SGTB: variants seen among roughly 807,000 people sequenced by gnomAD.
The protein encoded by SGTB is small glutamine-rich tetratricopeptide repeat-containing protein beta.
In SGTB, 19 loss-of-function variants were observed where a neutral mutation model predicts 43.9. The observed-to-expected ratio is 0.43, with a 90% CI of 0.30 to 0.63. The LOEUF (loss-of-function observed/expected upper bound fraction) is 0.63, where lower values mean the gene tolerates loss of function less well. Among genes scored for constraint, SGTB ranks in the 30% least tolerant of loss-of-function variants. SGTB has a pLI of 0.12. For missense variants in SGTB, 304 were observed against 358.9 expected, an observed-to-expected ratio of 0.85 and a Z score of 1.24; for synonymous variants, 116 against 117.3, an observed-to-expected ratio of 0.99 and a Z score of 0.07.
chr5:65,704,148 AT>A (rs1195696952), intron 5 of SGTB, 130 bp downstream of exon 5: 157 of 566,982 alleles, frequency 2.8e-4, no homozygotes, highest in Non-Finnish European at 3.1e-4. Context: ...GGTTAAGTTT[AT>A]TTTTTCTTCC....
intron 2 of SGTB, among the ~76,000 whole-genome samples, chr5:65,715,417 T>G (rs1045281951): frequency 6.6e-6 from 1 of 152,248 alleles, no homozygotes; most frequent in African/African-American, 2.4e-5. Flanking sequence ...TCACATGCTA[T>G]GTACCTGCCA....
chr5:65,672,009 C>A lies in SGTB; in HGVS notation c.720-11G>T. 1 of 1,613,328 alleles carries A rather than the reference C, an allele frequency of 6.2e-7. No homozygotes were observed. Among genetic ancestry groups the A allele is most frequent in the Non-Finnish European group, 8.5e-7 (1 of 1,179,474 alleles). ...ATCATTCCTGACATTCTAGAGTACA[C>A]AAGAAATACATCACTGGGATTGGTA... On this transcript the variant is annotated splice_polypyrimidine_tract_variant and intron_variant, in intron 9 of 10. Transcript: ENST00000381007.
chr5:65,707,729 G>A (rs138669460), intron 4 of SGTB, among the ~76,000 whole-genome samples: 49 of 151,996 alleles, frequency 3.2e-4, no homozygotes, highest in Non-Finnish European at 5.6e-4. Context: ...CACCGTGCCC[G>A]GCCATGATAT....
intron 6 of SGTB, among the ~76,000 whole-genome samples, chr5:65,682,411 G>GA (rs1757414421): frequency 6.6e-6 from 1 of 152,206 alleles, no homozygotes; most frequent in South Asian, 2.1e-4. Context: ...CTACGTAGAG[G>GA]ATCTACATGG....
At chr5:65,683,405 C>A (rs1291956461) in intron 6 of SGTB, among the ~76,000 whole-genome samples, 1 of 152,058 alleles carries the variant, frequency 6.6e-6, no homozygotes, top group African/African-American at 2.4e-5. Flanking sequence ...ATTAATTTAG[C>A]AAGTAGGCAA....
chr5:65,695,565 T>C (rs557073338), intron 5 of SGTB, among the ~76,000 whole-genome samples: 1 of 152,346 alleles, frequency 6.6e-6, no homozygotes, highest in South Asian at 2.1e-4. Flanking sequence ...TATCAGGGCA[T>C]AACTAATGAA....
intron 8 of SGTB, among the ~76,000 whole-genome samples, chr5:65,679,613 G>C (rs1757354794): frequency 6.6e-6 from 1 of 152,006 alleles, no homozygotes; most frequent in African/African-American, 2.4e-5. Flanking sequence ...GTGAAACTCT[G>C]TCTCAAAAAA....
intron 3 of SGTB, among the ~76,000 whole-genome samples, chr5:65,709,706 A>G (rs914116461): frequency 1.3e-5 from 2 of 152,076 alleles, no homozygotes; most frequent in African/African-American, 4.8e-5. Flanking sequence ...TAAAATTAAT[A>G]TATGTTCATT....
At chr5:65,670,624 G>C (rs996937917) in intron 10 of SGTB, among the ~76,000 whole-genome samples, 2 of 152,168 alleles carry the variant, frequency 1.3e-5, no homozygotes, top group Non-Finnish European at 2.9e-5. Context: ...TAGTGCTAAT[G>C]ACAAAGAAGC....
intron 5 of SGTB, among the ~76,000 whole-genome samples, chr5:65,697,140 C>A (rs1757730207): frequency 6.6e-6 from 1 of 151,940 alleles, no homozygotes; most frequent in Admixed American, 6.6e-5. Flanking sequence ...ACTAGAGTCT[C>A]AAAAAAACCA....
chr5:65,688,199 A>G lies in SGTB; in HGVS notation c.375-2727T>C, dbSNP rs930873014. Among the ~76,000 whole-genome samples the G allele has an allele frequency of 3.3e-5, 5 of 152,222 alleles. No homozygotes were observed. The East Asian group carries it at 9.6e-4, about 29-fold the overall frequency. On this transcript the variant is annotated intron_variant, in intron 5 of 10. Transcript: ENST00000381007. ...TTAAAATAATTTTATTATATATAAT[A>G]AGCAGAGCCACTGGAAGAAAAAAAA... is the stretch of plus-strand genomic sequence containing the variant.
At chr5:65,721,792 C>G (rs1425560087) in intron 1 of SGTB, 125 bp downstream of exon 1, 1 of 152,468 alleles carries the variant, frequency 6.6e-6, no homozygotes, top group East Asian at 1.9e-4. Flanking sequence ...CGAGCTCCCC[C>G]TCCCTTCCGT....
intron 5 of SGTB, among the ~76,000 whole-genome samples, chr5:65,703,100 T>A (rs956063931): frequency 6.6e-6 from 1 of 152,108 alleles, no homozygotes; most frequent in Non-Finnish European, 1.5e-5. Context: ...ATCTAAAGCA[T>A]GAAAAATATT....
In SGTB at chr5:65,668,043, C is replaced by T. The variant is rs1757077704; in HGVS notation, c.*2203G>A. ...TCTTGGCTCACTGCAACCTCTGCCT[C>T]TCAGGTTCGAGCAATTCTCATGCTT... On this transcript the variant is annotated 3_prime_UTR_variant, in exon 11 of 11. Transcript: ENST00000381007. The T allele has an allele frequency of 6.6e-6, 1 of 150,540 alleles. No individual in the cohort carries two copies. Among genetic ancestry groups the T allele is most frequent in the Non-Finnish European group, 1.5e-5 (1 of 67,852 alleles). 9.3% of individuals were successfully genotyped at this position (150,540 alleles called of 1,614,324 possible). A position where few individuals can be genotyped will look rare whatever the true frequency, so the allele number is the denominator to read the frequency against.
chr5:65,722,747 A>C, upstream of SGTB: 1 of 343,240 alleles, frequency 2.9e-6, no homozygotes, highest in South Asian at 3.4e-5. Context: ...CCCAATGCAG[A>C]ACTACAGACC....
chr5:65,685,631 A>G (rs1757483193), intron 5 of SGTB, among the ~76,000 whole-genome samples, 159 bp from the exon 6 acceptor site: 2 of 149,758 alleles, frequency 1.3e-5, no homozygotes, highest in African/African-American at 2.5e-5. Flanking sequence ...TAATAAAATG[A>G]AAAAAAAAAG....
At chr5:65,720,456 A>G (rs1758244313) in intron 2 of SGTB, among the ~76,000 whole-genome samples, 1 of 152,168 alleles carries the variant, frequency 6.6e-6, no homozygotes, top group South Asian at 2.1e-4. Flanking sequence ...AATTGCCTAT[A>G]ATATGAACAG....
At chr5:65,674,919 T>C (rs1323116484) in intron 8 of SGTB, among the ~76,000 whole-genome samples, 1 of 152,220 alleles carries the variant, frequency 6.6e-6, no homozygotes, top group Non-Finnish European at 1.5e-5. Flanking sequence ...AACTACCAGT[T>C]GCTAAAAAGA....
chr5:65,669,131 TCTC>T lies in SGTB; in HGVS notation c.*1112_*1114del, dbSNP rs1468471054. The T allele has an allele frequency of 2.0e-5, 3 of 152,162 alleles. No homozygotes were observed. Among genetic ancestry groups the T allele is most frequent in the Non-Finnish European group, 4.4e-5 (3 of 68,032 alleles). The allele number at this position is 152,162 out of a possible 1,614,324, so 9.4% of individuals were successfully genotyped here. A position where few individuals can be genotyped will look rare whatever the true frequency, so the allele number is the denominator to read the frequency against. On this transcript the variant is annotated 3_prime_UTR_variant, in exon 11 of 11. Transcript: ENST00000381007. Reference sequence around the variant, plus strand: ...CTAATTTATAATAAAATATTTTAAGTCTCCTGTTATATTTAAATTGCATCAAAT... The same window carrying T: ...CTAATTTATAATAAAATATTTTAAGTCTGTTATATTTAAATTGCATCAAAT...
Sources: allele counts gnomAD v4.1 joint callset (sites outside exome capture counted in the v4.1 genomes callset), GRCh38; gene constraint gnomAD v4.1.1; transcripts MANE v1.5; gene names NCBI Gene and HGNC (gene_info 2026-07-23, HGNC 2026-07-21).